MCC: variants seen among roughly 807,000 people sequenced by gnomAD.
MCC encodes the protein MCC regulator of Wnt signaling pathway.
A neutral mutation model predicts 116.2 loss-of-function variants in MCC; 90 were observed. That is an observed-to-expected ratio of 0.77 (90% CI 0.65 to 0.92). The LOEUF (loss-of-function observed/expected upper bound fraction) is 0.92, where lower values mean the gene tolerates loss of function less well. Ranked by LOEUF, MCC falls within the 40% of genes least tolerant of loss-of-function variation. The probability of loss-of-function intolerance (pLI) is 0.00; values close to 1 mark genes in which losing one functional copy is unlikely to be tolerated. For synonymous variants in MCC, 578 were observed against 510.5 expected (o/e 1.13, Z -1.78); for missense variants, 1,516 against 1,312.2 (o/e 1.16, Z -2.40).
At chr5:113,365,464 C>T (rs1466806203) in intron 2 of MCC, among the ~76,000 whole-genome samples, 1 of 152,194 alleles carries the variant, frequency 6.6e-6, no homozygotes, top group Admixed American at 6.5e-5. Context: ...CATAACCATT[C>T]AACAAGTCTC....
At chr5:113,222,388 A>C (rs183922431) in intron 3 of MCC, among the ~76,000 whole-genome samples, 1 of 152,280 alleles carries the variant, frequency 6.6e-6, no homozygotes, top group Non-Finnish European at 1.5e-5. Flanking sequence ...CTTTCATTGT[A>C]ATACATTTTC....
At chr5:113,395,946 G>A (rs1452516740) in intron 1 of MCC, among the ~76,000 whole-genome samples, 1 of 152,168 alleles carries the variant, frequency 6.6e-6, no homozygotes, top group South Asian at 2.1e-4. Flanking sequence ...TTGTTAAAAG[G>A]CTTCCTAAGT....
In MCC at chr5:113,143,362, T is replaced by G. The variant is rs1449604489; in HGVS notation, c.742-2A>C. 4 of 1,613,550 alleles carry G rather than the reference T, an allele frequency of 2.5e-6. No homozygotes were observed. The highest frequency in any genetic ancestry group is 3.4e-6 in the Non-Finnish European group (4 of 1,179,914). ...TCTCATGAGGTGGGACTGCTCGCAC[T>G]GGGAATAAGGGAAAAGGACAGAAGT... On this transcript the variant is annotated splice_acceptor_variant, in intron 4 of 18. Coordinates refer to ENST00000408903, the MANE Select transcript of MCC (RefSeq NM_001085377.2). LOFTEE classifies it high-confidence loss of function.
In MCC at chr5:113,481,653, C is replaced by T. The variant is rs187192343; in HGVS notation, c.170+6592G>A. Among the ~76,000 whole-genome samples the T allele has an allele frequency of 3.2e-4, 48 of 152,226 alleles. No homozygotes were observed. In the East Asian group the frequency reaches 8.5e-3, roughly 27 times the overall value. On this transcript the variant is annotated intron_variant, in intron 1 of 18. Transcript: ENST00000408903. Reference sequence around the variant, plus strand: ...ACTCAGGAGGCTGAGGCAGAAGAATCGCTTGAACCCGGGAGGCGGAGATTG... The same window carrying T: ...ACTCAGGAGGCTGAGGCAGAAGAATTGCTTGAACCCGGGAGGCGGAGATTG...
intron 1 of MCC, among the ~76,000 whole-genome samples, chr5:113,444,115 G>A (rs1771135802): frequency 6.6e-6 from 1 of 151,780 alleles, no homozygotes; most frequent in African/African-American, 2.4e-5. Flanking sequence ...AAAGTGCTGG[G>A]ATTACAGGTG....
intron 3 of MCC, among the ~76,000 whole-genome samples, chr5:113,209,920 A>G (rs1468083050): frequency 6.6e-6 from 1 of 152,242 alleles, no homozygotes; most frequent in Admixed American, 6.5e-5. Flanking sequence ...TGATGTGTCT[A>G]GAGTGCTATT....
intron 13 of MCC, among the ~76,000 whole-genome samples, chr5:113,065,255 G>A (rs1580969369): frequency 1.3e-5 from 2 of 152,090 alleles, no homozygotes; most frequent in East Asian, 1.9e-4. Flanking sequence ...CCCTGGTGGG[G>A]GACGCTGAAA....
intron 3 of MCC, among the ~76,000 whole-genome samples, chr5:113,293,747 G>C (rs1333190291): frequency 6.6e-6 from 1 of 152,092 alleles, no homozygotes; most frequent in Non-Finnish European, 1.5e-5. Flanking sequence ...GTCCAGATCC[G>C]GGCAGGAAAT....
At chr5:113,034,549 A>T (rs1179589514) in intron 17 of MCC, among the ~76,000 whole-genome samples, 1 of 152,228 alleles carries the variant, frequency 6.6e-6, no homozygotes, top group African/African-American at 2.4e-5. Flanking sequence ...TGGCCAGGAA[A>T]CCTTTCAGAG....
At chr5:113,114,808 T>C (rs578176236) in intron 6 of MCC, among the ~76,000 whole-genome samples, 113 of 152,288 alleles carry the variant, frequency 7.4e-4, no homozygotes, top group African/African-American at 2.5e-3. Flanking sequence ...CTAGCTCCCC[T>C]TCCTGCTGAG....
intron 3 of MCC, among the ~76,000 whole-genome samples, chr5:113,215,727 C>T (rs1763290251): frequency 6.6e-6 from 1 of 152,190 alleles, no homozygotes; most frequent in Non-Finnish European, 1.5e-5. Context: ...CTTGGACGTT[C>T]CCAGCTTCCA....
At position 113,459,133 on chromosome 5, in the gene MCC, A is replaced by ATGTGTGTGTGTGTG. The variant is rs542497591; in HGVS notation, c.170+29098_170+29111dup. Among the ~76,000 whole-genome samples the ATGTGTGTGTGTGTG allele has an allele frequency of 3.7e-3, 256 of 68,360 alleles. 6 individuals carry two copies. Among genetic ancestry groups the ATGTGTGTGTGTGTG allele is most frequent in the South Asian group, 7.0e-3 (9 of 1,288 alleles). 44.8% of individuals were successfully genotyped at this position (68,360 alleles called of 152,430 possible). A position where few individuals can be genotyped will look rare whatever the true frequency, so the allele number is the denominator to read the frequency against. On this transcript the variant is annotated intron_variant, in intron 1 of 18. Coordinates refer to ENST00000408903, the MANE Select transcript of MCC (RefSeq NM_001085377.2). ...GAGGTCTCTGGGGAGGAGTAAGGATATGTGTGTGTGTGTGTGTGTGTGTGT... is the reference window on the plus strand; with the variant it reads ...GAGGTCTCTGGGGAGGAGTAAGGATATGTGTGTGTGTGTGTGTGTGTGTGTGTGTGTGTGTGTGT...
At chr5:113,456,532 C>A (rs1339614775) in intron 1 of MCC, among the ~76,000 whole-genome samples, 4 of 151,424 alleles carry the variant, frequency 2.6e-5, no homozygotes, top group African/African-American at 9.7e-5. Flanking sequence ...TCTTGGCTCA[C>A]TGCAAGCTCT....
intron 3 of MCC, among the ~76,000 whole-genome samples, chr5:113,283,728 G>C (rs542126119): frequency 5.5e-4 from 83 of 152,290 alleles, no homozygotes; most frequent in South Asian, 3.9e-3. Context: ...AGCCTGTTGA[G>C]AGCAATTACA....
chr5:113,468,473 T>C (rs1432312459), intron 1 of MCC, among the ~76,000 whole-genome samples: 2 of 152,190 alleles, frequency 1.3e-5, no homozygotes, highest in Non-Finnish European at 2.9e-5. Flanking sequence ...TGTTTACATG[T>C]TGGATTACAT....
chr5:113,131,969 G>A (rs1413506300), intron 5 of MCC, among the ~76,000 whole-genome samples: 8 of 152,090 alleles, frequency 5.3e-5, no homozygotes, highest in Non-Finnish European at 5.9e-5. Context: ...TTTCTAAATC[G>A]CAATAGCAAT....
intron 3 of MCC, among the ~76,000 whole-genome samples, chr5:113,215,284 G>A (rs967718378): frequency 2.1e-4 from 32 of 152,150 alleles, no homozygotes; most frequent in African/African-American, 7.0e-4. Flanking sequence ...ACAACTTGGT[G>A]GGGGGAGGAA....
At chr5:113,054,133 A>C (rs140387246) in intron 14 of MCC, among the ~76,000 whole-genome samples, 174 bp from the exon 15 acceptor site, 1 of 152,376 alleles carries the variant, frequency 6.6e-6, no homozygotes, top group Non-Finnish European at 1.5e-5. Flanking sequence ...TTAGGAAAGA[A>C]TTAAGTATGA....
At chr5:113,211,731 A>G (rs1288144570) in intron 3 of MCC, among the ~76,000 whole-genome samples, 3 of 152,236 alleles carry the variant, frequency 2.0e-5, no homozygotes, top group Admixed American at 6.5e-5. Context: ...TTAACTCATT[A>G]TCTCAACTAC....
Sources: gnomAD v4.1 joint callset for allele counts (sites outside exome capture counted in the v4.1 genomes callset) on GRCh38, gnomAD v4.1.1 for gene constraint, MANE v1.5 for transcripts, NCBI Gene and HGNC (gene_info 2026-07-23, HGNC 2026-07-21) for gene names.